Variants in G3BP2 observed in about 807,000 individuals in gnomAD.
G3BP2 encodes G3BP stress granule assembly factor 2.
In G3BP2, 11 loss-of-function variants were observed where a neutral mutation model predicts 56.7. That is an observed-to-expected ratio of 0.19 (90% CI 0.12 to 0.32). The LOEUF (loss-of-function observed/expected upper bound fraction) is 0.32. G3BP2 is among the 10% of genes least tolerant of loss of function. The pLI, the probability that G3BP2 is intolerant of heterozygous loss-of-function variation, is 1.00. For missense variants in G3BP2, 340 were observed against 610.9 expected (o/e 0.56, Z 4.67); for synonymous variants, 165 against 191.6 (o/e 0.86, Z 1.15).
intron 3 of G3BP2, among the ~76,000 whole-genome samples, chr4:75,720,487 G>GC (rs1720120609): frequency 7.0e-6 from 1 of 142,782 alleles, no homozygotes; most frequent in Non-Finnish European, 1.5e-5. Flanking sequence ...GGGCAACAGA[G>GC]CGAGACTCCG....
rs1730981640 is a variant in G3BP2, at chr4:75,643,261, T to A, written c.*2169A>T. The A allele has an allele frequency of 7.3e-6, 1 of 136,250 alleles. No homozygotes were observed. The highest frequency in any genetic ancestry group is 1.6e-5 in the Non-Finnish European group (1 of 62,544). 8.4% of individuals were successfully genotyped at this position (136,250 alleles called of 1,614,324 possible). On this transcript the variant is annotated 3_prime_UTR_variant, in exon 12 of 12. Coordinates refer to ENST00000359707, the MANE Select transcript of G3BP2 (RefSeq NM_203505.3). ...ATTACTTTTGGTGCCAGAACAGTTT[T>A]CATGGATGGCAGGGCAATATCCTGA...
intron 3 of G3BP2, among the ~76,000 whole-genome samples, chr4:75,682,451 T>C (rs1734118282): frequency 6.6e-6 from 1 of 151,884 alleles, no homozygotes; most frequent in Non-Finnish European, 1.5e-5. Context: ...ACTTTATTTC[T>C]GGAGTTTTCC....
intron 8 of G3BP2, among the ~76,000 whole-genome samples, chr4:75,650,035 T>TA (rs1731552109): frequency 3.3e-5 from 5 of 151,348 alleles, no homozygotes; most frequent in Admixed American, 3.3e-4. Context: ...AGTAAATAAA[T>TA]AAAAAAGTGG....
chr4:75,646,647 C>T (rs1731227233), intron 10 of G3BP2, among the ~76,000 whole-genome samples, 191 bp from the exon 11 acceptor site: 1 of 152,194 alleles, frequency 6.6e-6, no homozygotes, highest in Non-Finnish European at 1.5e-5. Flanking sequence ...AGTAGCCTGC[C>T]CGCCTGCTGT....
At chr4:75,655,693 C>T in intron 6 of G3BP2, 75 bp downstream of exon 6, 1 of 776,790 alleles carries the variant, frequency 1.3e-6, no homozygotes, top group South Asian at 1.5e-5. Context: ...TTACTTTCAA[C>T]AATAATTCTA....
At chr4:75,648,999 A>C (rs1021233651) in intron 8 of G3BP2, 23 of 280,618 alleles carry the variant, frequency 8.2e-5, no homozygotes, top group Admixed American at 2.3e-4. Context: ...ACATTTTTTC[A>C]TTAAAGTTAT....
chr4:75,692,649 T>C (rs1307906804), intron 3 of G3BP2, among the ~76,000 whole-genome samples: 4 of 152,152 alleles, frequency 2.6e-5, no homozygotes, highest in Non-Finnish European at 5.9e-5. Flanking sequence ...TTTCATGCTG[T>C]CTTTACCGCT....
At chr4:75,665,290 G>T (rs1732919612) in intron 1 of G3BP2, among the ~76,000 whole-genome samples, 1 of 152,080 alleles carries the variant, frequency 6.6e-6, no homozygotes, top group South Asian at 2.1e-4. Flanking sequence ...CCCCAAATCT[G>T]TTTAAAATTT....
intron 3 of G3BP2, among the ~76,000 whole-genome samples, chr4:75,719,192 C>CA (rs1720046828): frequency 6.6e-6 from 1 of 151,020 alleles, no homozygotes; most frequent in Non-Finnish European, 1.5e-5. Flanking sequence ...ACTAAAAATA[C>CA]AAAAAATTAG....
chr4:75,673,377 C>G lies in G3BP2; in HGVS notation c.-194G>C, dbSNP rs979899531. On this transcript the variant is annotated 5_prime_UTR_variant, in exon 1 of 12. Transcript: ENST00000359707. ...CCTCACAACCACCTCTTCCCGGGCG[C>G]CAGGCGCTGCGACGTGCGACAAGGA... is the stretch of plus-strand genomic sequence containing the variant. 4 of 1,231,504 alleles carry G rather than the reference C, an allele frequency of 3.2e-6. No homozygotes were observed. The African/African-American group carries it at 6.3e-5, about 19-fold the overall frequency. 76.3% of individuals were successfully genotyped at this position (1,231,504 alleles called of 1,614,324 possible). A position where few individuals can be genotyped will look rare whatever the true frequency, so the allele number is the denominator to read the frequency against.
At chr4:75,661,730 A>C in intron 2 of G3BP2, 3 of 503,990 alleles carry the variant, frequency 6.0e-6, no homozygotes, top group Non-Finnish European at 1.1e-5. Flanking sequence ...ATGTACCAGA[A>C]TATGACATAA....
chr4:75,666,318 T>G (rs576365144), intron 1 of G3BP2, among the ~76,000 whole-genome samples: 127 of 152,184 alleles, frequency 8.3e-4, no homozygotes, highest in Non-Finnish European at 4.3e-4. Flanking sequence ...AAAGTTAACT[T>G]CAAATGGTAA....
intron 3 of G3BP2, among the ~76,000 whole-genome samples, chr4:75,708,337 C>A: frequency 6.6e-6 from 1 of 152,168 alleles, no homozygotes; most frequent in East Asian, 1.9e-4. Context: ...GTAAAGAGGG[C>A]CCAGTATGCA....
chr4:75,694,362 G>A (rs1719008391), intron 3 of G3BP2, among the ~76,000 whole-genome samples: 1 of 152,220 alleles, frequency 6.6e-6, no homozygotes, highest in Non-Finnish European at 1.5e-5. Flanking sequence ...AGCACTTTGG[G>A]AGGCCGAGGC....
intron 3 of G3BP2, among the ~76,000 whole-genome samples, chr4:75,685,902 A>G (rs1459644089): frequency 6.6e-6 from 1 of 152,202 alleles, no homozygotes; most frequent in East Asian, 1.9e-4. Flanking sequence ...CCCTTTGAAA[A>G]TTAGAAGAAA....
intron 3 of G3BP2, among the ~76,000 whole-genome samples, chr4:75,658,621 G>T (rs887851842): frequency 1.3e-5 from 2 of 151,818 alleles, no homozygotes; most frequent in African/African-American, 4.8e-5. Context: ...CAGCTACTTG[G>T]GAGGCTGAGG....
At chr4:75,678,367 A>G (rs1733956923), upstream of G3BP2, among the ~76,000 whole-genome samples, 3 of 150,496 alleles carry the variant, frequency 2.0e-5, no homozygotes, top group South Asian at 6.3e-4. Context: ...ATGTTGCCCA[A>G]TCTGGTCTTG....
At chr4:75,660,181 G>T (rs1237027101) in intron 2 of G3BP2, among the ~76,000 whole-genome samples, 1 of 151,894 alleles carries the variant, frequency 6.6e-6, no homozygotes, top group Non-Finnish European at 1.5e-5. Flanking sequence ...TTTGTTCTTG[G>T]TCACTAAAGA....
intron 3 of G3BP2, among the ~76,000 whole-genome samples, chr4:75,696,319 TG>T (rs1719119671): frequency 6.6e-6 from 1 of 152,194 alleles, no homozygotes; most frequent in African/African-American, 2.4e-5. Flanking sequence ...AAGTGCACAC[TG>T]AACTCCGGCT....
Sources: gnomAD v4.1 joint callset for allele counts (sites outside exome capture counted in the v4.1 genomes callset) on GRCh38, gnomAD v4.1.1 for gene constraint, MANE v1.5 for transcripts, NCBI Gene and HGNC (gene_info 2026-07-23, HGNC 2026-07-21) for gene names.